GRIA4: variants seen among roughly 807,000 people sequenced by gnomAD.
The protein encoded by GRIA4 is glutamate receptor 4.
In GRIA4, 34 loss-of-function variants were observed where a neutral mutation model predicts 104.0. The observed-to-expected ratio is 0.33, with a 90% CI of 0.25 to 0.44. GRIA4 has a LOEUF of 0.44. Among genes scored for constraint, GRIA4 ranks in the 20% least tolerant of loss-of-function variants. The probability of loss-of-function intolerance (pLI) is 1.00; values close to 1 mark genes in which losing one functional copy is unlikely to be tolerated. For missense variants in GRIA4, 750 were observed against 1,096.5 expected, an observed-to-expected ratio of 0.68 and a Z score of 4.46; for synonymous variants, 386 against 381.9, an observed-to-expected ratio of 1.01 and a Z score of -0.13.
intron 3 of GRIA4, among the ~76,000 whole-genome samples, chr11:105,617,275 CAT>C (rs1228301730): frequency 1.3e-5 from 2 of 150,148 alleles, no homozygotes; most frequent in African/African-American, 4.9e-5. Context: ...TATATCTTTT[CAT>C]ATATATATAT....
At chr11:105,743,528 G>C (rs73630128) in intron 3 of GRIA4, among the ~76,000 whole-genome samples, 1 of 152,014 alleles carries the variant, frequency 6.6e-6, no homozygotes, top group Non-Finnish European at 1.5e-5. Context: ...GGTTTTCACC[G>C]CACATTGTTC....
chr11:105,621,931 C>A (rs1386385125), intron 3 of GRIA4, among the ~76,000 whole-genome samples: 2 of 151,740 alleles, frequency 1.3e-5, no homozygotes, highest in African/African-American at 4.8e-5. Flanking sequence ...TTAATTTACA[C>A]ATTTTTGGTT....
intron 3 of GRIA4, among the ~76,000 whole-genome samples, chr11:105,688,033 G>A (rs1952940679): frequency 6.6e-6 from 1 of 152,030 alleles, no homozygotes; most frequent in Non-Finnish European, 1.5e-5. Flanking sequence ...ACAAAACACT[G>A]TGGCTATATG....
intron 16 of GRIA4, among the ~76,000 whole-genome samples, 153 bp from the exon 17 acceptor site, chr11:105,979,422 T>C (rs966236261): frequency 6.6e-6 from 1 of 152,218 alleles, no homozygotes; most frequent in Non-Finnish European, 1.5e-5. Flanking sequence ...TTCCTTTCCC[T>C]GGATAAGCAG....
chr11:105,731,468 C>T (rs1008737528), intron 3 of GRIA4, among the ~76,000 whole-genome samples: 7 of 152,094 alleles, frequency 4.6e-5, no homozygotes, highest in East Asian at 1.9e-4. Context: ...GGCAGTGTGG[C>T]GATTCCTCAA....
chr11:105,866,682 C>A (rs1490314785), intron 5 of GRIA4, among the ~76,000 whole-genome samples: 1 of 149,856 alleles, frequency 6.7e-6, no homozygotes, highest in African/African-American at 2.5e-5. Context: ...AGGTTTAAAC[C>A]AAAAGTATTT....
At chr11:105,713,696 T>G (rs999948271) in intron 3 of GRIA4, among the ~76,000 whole-genome samples, 1 of 152,202 alleles carries the variant, frequency 6.6e-6, no homozygotes, top group Non-Finnish European at 1.5e-5. Context: ...GGGATTGTTG[T>G]TAAATTACTT....
chr11:105,657,524 G>A (rs1476753634), intron 3 of GRIA4, among the ~76,000 whole-genome samples: 1 of 151,952 alleles, frequency 6.6e-6, no homozygotes, highest in African/African-American at 2.4e-5. Context: ...TTCCCTTAGT[G>A]TTACTGGTTG....
chr11:105,760,942 T>C (rs1457904816), intron 4 of GRIA4, among the ~76,000 whole-genome samples: 12 of 152,178 alleles, frequency 7.9e-5, no homozygotes, highest in Admixed American at 7.2e-4. Flanking sequence ...TGCAAGGTTC[T>C]ATATAATCAA....
At chr11:105,845,514 A>G (rs917895143) in intron 4 of GRIA4, among the ~76,000 whole-genome samples, 8 of 152,244 alleles carry the variant, frequency 5.3e-5, no homozygotes, top group Admixed American at 3.9e-4. Flanking sequence ...ATTTTGTTGT[A>G]ACCATCTTAA....
At chr11:105,966,401 C>T (rs548835127) in intron 14 of GRIA4, among the ~76,000 whole-genome samples, 4 of 151,960 alleles carry the variant, frequency 2.6e-5, no homozygotes, top group East Asian at 3.9e-4. Context: ...GGGAGCAGGG[C>T]GGTAAGCCTG....
chr11:105,634,934 G>A (rs535333711), intron 3 of GRIA4, among the ~76,000 whole-genome samples: 1 of 152,204 alleles, frequency 6.6e-6, no homozygotes, highest in Admixed American at 6.5e-5. Flanking sequence ...ATTTTAGGGT[G>A]TGTAATTTGG....
intron 3 of GRIA4, among the ~76,000 whole-genome samples, chr11:105,732,271 G>A (rs1938646492): frequency 6.6e-6 from 1 of 152,176 alleles, no homozygotes; most frequent in African/African-American, 2.4e-5. Context: ...GCTTCTAGAA[G>A]TGGCCTTCCT....
At chr11:105,747,352 A>T (rs1565513441) in intron 3 of GRIA4, among the ~76,000 whole-genome samples, 1 of 152,198 alleles carries the variant, frequency 6.6e-6, no homozygotes, top group African/African-American at 2.4e-5. Context: ...TACGAATTAG[A>T]ACACACACAA....
chr11:105,941,438 C>T (rs1948177974), intron 14 of GRIA4, among the ~76,000 whole-genome samples: 1 of 152,062 alleles, frequency 6.6e-6, no homozygotes, highest in Admixed American at 6.6e-5. Context: ...GTTCTAACTC[C>T]ACCTTTCAAT....
intron 9 of GRIA4, among the ~76,000 whole-genome samples, chr11:105,907,737 G>C (rs941635757): frequency 3.3e-5 from 5 of 152,162 alleles, no homozygotes; most frequent in Admixed American, 3.3e-4. Context: ...GCCACACACT[G>C]TAATGGAAAA....
At chr11:105,805,130 T>C (rs1942893441) in intron 4 of GRIA4, among the ~76,000 whole-genome samples, 1 of 151,866 alleles carries the variant, frequency 6.6e-6, no homozygotes, top group Non-Finnish European at 1.5e-5. Context: ...CTTTGTTACA[T>C]TGGTTATTTT....
intron 3 of GRIA4, among the ~76,000 whole-genome samples, chr11:105,654,848 A>G (rs1951795360): frequency 6.6e-6 from 1 of 152,106 alleles, no homozygotes; most frequent in South Asian, 2.1e-4. Context: ...AGATGAGTGA[A>G]GTTGGTCTTC....
rs777359783 is a variant in GRIA4, at chr11:105,903,918, T to C, written c.990T>C (p.Asp330=). ...IDISRRGNAG[D]CLANPAAPWG... is the part of the protein sequence containing the mutation. ...TCTCAAGGAGAGGAAATGCTGGGGA[T>C]TGTCTGGCAAATCCTGCTGCTCCAT... The change falls in exon 8 of 17, where the codon GAT becomes GAC. Residue 330 remains aspartate, a synonymous_variant. Coordinates refer to ENST00000282499, the MANE Select transcript of GRIA4 (RefSeq NM_000829.4). The C allele has an allele frequency of 1.2e-6, 2 of 1,613,588 alleles. No homozygotes were observed. Among genetic ancestry groups the C allele is most frequent in the East Asian group, 2.2e-5 (1 of 44,854 alleles).
Sources: gnomAD v4.1 joint callset for allele counts (sites outside exome capture counted in the v4.1 genomes callset) on GRCh38, gnomAD v4.1.1 for gene constraint, MANE v1.5 for transcripts, NCBI Gene and HGNC (gene_info 2026-07-23, HGNC 2026-07-21) for gene names.